Variants in EFCAB11 observed in about 807,000 individuals in gnomAD.
EFCAB11 encodes the protein EF-hand calcium binding domain 11, also known as EF-hand calcium-binding domain-containing protein 11.
A neutral mutation model predicts 23.0 loss-of-function variants in EFCAB11; 14 were observed. That is an observed-to-expected ratio of 0.61 (90% CI 0.40 to 0.95). EFCAB11 has a LOEUF of 0.95. EFCAB11 is among the 40% of genes least tolerant of loss of function. The probability of loss-of-function intolerance (pLI) is 0.00; values close to 1 mark genes in which losing one functional copy is unlikely to be tolerated. For missense variants in EFCAB11, 198 were observed against 195.8 expected (o/e 1.01, Z -0.07); for synonymous variants, 65 against 66.6 (o/e 0.98, Z 0.11).
At chr14:89,842,765 T>C (rs940699499) in intron 5 of EFCAB11, among the ~76,000 whole-genome samples, 4 of 152,136 alleles carry the variant, frequency 2.6e-5, no homozygotes, top group African/African-American at 9.7e-5. Flanking sequence ...GTTCAGCTTC[T>C]GTCACACCAT....
At chr14:89,885,649 C>A (rs1888731619) in intron 5 of EFCAB11, among the ~76,000 whole-genome samples, 1 of 146,118 alleles carries the variant, frequency 6.8e-6, no homozygotes, top group Non-Finnish European at 1.5e-5. Context: ...TGCACTCCAG[C>A]CTGGGTGACA....
chr14:89,888,615 C>T (rs913729685), intron 5 of EFCAB11, among the ~76,000 whole-genome samples: 1 of 152,182 alleles, frequency 6.6e-6, no homozygotes, highest in African/African-American at 2.4e-5. Flanking sequence ...AGACACCTCC[C>T]ACCAGGCCCC....
In EFCAB11 at chr14:89,881,886, A is replaced by G. The variant is rs76416636; in HGVS notation, c.410+49655T>C. Among the ~76,000 whole-genome samples, 652 of 152,322 alleles carry G rather than the reference A, an allele frequency of 4.3e-3. 3 individuals are homozygous for G. The highest frequency in any genetic ancestry group is 0.015 in the African/African-American group (612 of 41,566). The stretch of plus-strand genomic sequence containing the variant: ...ATGCACTTGAACAAAAATAATTTCA[A>G]ACCTGGGTCTACAACCAAGATCAGT... On this transcript the variant is annotated intron_variant, in intron 5 of 5. Transcript: ENST00000316738.
At chr14:89,814,534 G>A (rs1566768556) in intron 5 of EFCAB11, among the ~76,000 whole-genome samples, 3 of 152,026 alleles carry the variant, frequency 2.0e-5, no homozygotes, top group East Asian at 3.9e-4. Flanking sequence ...GAGAAATGCC[G>A]TCTCTACTAA....
At chr14:89,950,026 T>C (rs1828834418) in intron 3 of EFCAB11, 71 bp downstream of exon 3, 1 of 1,425,798 alleles carries the variant, frequency 7.0e-7, no homozygotes, top group Non-Finnish European at 9.5e-7. Context: ...ATGAGACTGA[T>C]GTAGGGACAC....
intron 5 of EFCAB11, among the ~76,000 whole-genome samples, chr14:89,910,824 G>A (rs57140304): frequency 0.13 from 19,522 of 152,030 alleles, 3,491 homozygotes; most frequent in African/African-American, 0.4. Flanking sequence ...GAGGGAGAAC[G>A]AAAAGATTCA....
chr14:89,837,110 T>C (rs986949204), intron 5 of EFCAB11: 2 of 456,458 alleles, frequency 4.4e-6, no homozygotes, highest in East Asian at 6.9e-5. Context: ...CTGGTCAATA[T>C]GGCAGAGTAA....
chr14:89,849,144 T>C (rs971427352), intron 5 of EFCAB11, among the ~76,000 whole-genome samples: 3 of 152,194 alleles, frequency 2.0e-5, no homozygotes, highest in Non-Finnish European at 2.9e-5. Context: ...CCCTTCACCC[T>C]CCATGGTCCA....
chr14:89,811,582 C>A (rs775347386), intron 5 of EFCAB11, among the ~76,000 whole-genome samples: 1 of 151,952 alleles, frequency 6.6e-6, no homozygotes, highest in Non-Finnish European at 1.5e-5. Flanking sequence ...CAGGAGAGGG[C>A]GTACAAGAAT....
At chr14:89,804,200 G>A (rs1885888022) in intron 5 of EFCAB11, among the ~76,000 whole-genome samples, 1 of 152,242 alleles carries the variant, frequency 6.6e-6, no homozygotes, top group Admixed American at 6.5e-5. Context: ...ATGAAAAGGA[G>A]TGTTAAGGCC....
intron 5 of EFCAB11, among the ~76,000 whole-genome samples, chr14:89,893,352 G>T (rs1455561271): frequency 2.0e-5 from 3 of 152,174 alleles, no homozygotes. Context: ...GCTGAAAAAT[G>T]GATGTTGGAG....
intron 5 of EFCAB11, among the ~76,000 whole-genome samples, chr14:89,911,862 G>A (rs566963678): frequency 1.3e-5 from 2 of 152,352 alleles, no homozygotes; most frequent in South Asian, 4.1e-4. Flanking sequence ...CACTGACAGA[G>A]CACGTGTCCT....
chr14:89,852,321 T>C (rs1213488818), intron 5 of EFCAB11, among the ~76,000 whole-genome samples: 1 of 152,240 alleles, frequency 6.6e-6, no homozygotes, highest in Admixed American at 6.5e-5. Flanking sequence ...GGAGACACAC[T>C]GTTGTGGATG....
intron 5 of EFCAB11, among the ~76,000 whole-genome samples, chr14:89,920,715 T>C (rs944406249): frequency 6.6e-6 from 1 of 152,016 alleles, no homozygotes; most frequent in African/African-American, 2.4e-5. Context: ...ATATGGCAAG[T>C]GTTATAGGAG....
intron 5 of EFCAB11, among the ~76,000 whole-genome samples, chr14:89,903,778 G>A (rs936214513): frequency 6.6e-5 from 10 of 152,138 alleles, no homozygotes; most frequent in Admixed American, 3.3e-4. Flanking sequence ...CTTCTTAGAA[G>A]TGCAGAACTT....
chr14:89,932,569 A>AT lies in EFCAB11; in HGVS notation c.275dup (p.Tyr92Ter). The AT allele has an allele frequency of 6.2e-7, 1 of 1,613,860 alleles. No individual in the cohort carries two copies. The highest frequency in any genetic ancestry group is 8.5e-7 in the Non-Finnish European group (1 of 1,179,918). ...IVRKKKEAQR[Y>*]RNEVRHIFTA... ...TGAAGATGTGTCTTACTTCGTTCCG[A>AT]TATCGTTGAGCTTCCTTCTTTTTCC... Residue 92 changes from tyrosine to a stop codon, truncating the protein, a stop_gained and frameshift_variant, in exon 4 of 6, where the codon TAT becomes TAAT. Transcript: ENST00000316738. LOFTEE classifies it high-confidence loss of function.
chr14:89,850,836 G>C (rs1435463964), intron 5 of EFCAB11, among the ~76,000 whole-genome samples: 14 of 152,176 alleles, frequency 9.2e-5, no homozygotes, highest in Admixed American at 9.2e-4. Flanking sequence ...TTTATTATTA[G>C]TTAGTTGGTT....
intron 5 of EFCAB11, among the ~76,000 whole-genome samples, chr14:89,917,087 TG>T (rs1889873189): frequency 7.7e-6 from 1 of 130,202 alleles, no homozygotes; most frequent in African/African-American, 4.1e-5. Context: ...TGTGTGTGTG[TG>T]TGTGTGTGTA....
chr14:89,908,998 T>A (rs980912848), intron 5 of EFCAB11, among the ~76,000 whole-genome samples: 2 of 152,156 alleles, frequency 1.3e-5, no homozygotes, highest in Non-Finnish European at 2.9e-5. Flanking sequence ...AAAGCCTGGA[T>A]CCAGTTGGTG....
Sources: allele counts gnomAD v4.1 joint callset (sites outside exome capture counted in the v4.1 genomes callset), GRCh38; gene constraint gnomAD v4.1.1; transcripts MANE v1.5; gene names NCBI Gene and HGNC (gene_info 2026-07-23, HGNC 2026-07-21).